AGBL1: variants seen among roughly 807,000 people sequenced by gnomAD.
The protein encoded by AGBL1 is cytosolic carboxypeptidase 4.
Under a neutral mutation model 118.9 loss-of-function variants are expected in AGBL1, and 130 were observed. The observed-to-expected ratio is 1.09, with a 90% CI of 0.95 to 1.26. AGBL1 has a LOEUF of 1.26. Among genes scored for constraint, AGBL1 ranks in the 50% most tolerant of loss-of-function variants. The pLI is 0.00. For synonymous variants in AGBL1, 555 were observed against 478.9 expected, an observed-to-expected ratio of 1.16 and a Z score of -2.08; for missense variants, 1,584 against 1,298.1, an observed-to-expected ratio of 1.22 and a Z score of -3.38.
chr15:86,770,254 T>C (rs1342672177), intron 22 of AGBL1, among the ~76,000 whole-genome samples: 1 of 151,966 alleles, frequency 6.6e-6, no homozygotes, highest in Non-Finnish European at 1.5e-5. Context: ...AAGCTCACTA[T>C]CTAGTGGAAC....
chr15:86,471,794 G>A (rs1487845532), intron 18 of AGBL1, among the ~76,000 whole-genome samples: 1 of 152,168 alleles, frequency 6.6e-6, no homozygotes, highest in Non-Finnish European at 1.5e-5. Context: ...TAAGGGTGAT[G>A]TAGTAGGTCG....
chr15:86,540,309 T>G (rs2083476939), intron 19 of AGBL1, among the ~76,000 whole-genome samples: 2 of 152,180 alleles, frequency 1.3e-5, no homozygotes, highest in Admixed American at 1.3e-4. Context: ...ATAGGGCTAT[T>G]GAGGTGGGGA....
Position 86,143,847 on chromosome 15 carries a change from T to A in AGBL1, c.262+2T>A. 6.2e-7 allele frequency: 1 copy of A among 1,613,486 alleles called. No homozygotes were observed. The highest frequency in any genetic ancestry group is 8.5e-7 in the Non-Finnish European group (1 of 1,179,596). ...TGCTGGCCAAAGTTGGCCTAAGAGG[T>A]ACTCGTACTCCAAGACCTAAAGCTG... On this transcript the variant is annotated splice_donor_variant, in intron 3 of 22. Coordinates refer to ENST00000614907, the MANE Select transcript of AGBL1 (RefSeq NM_001386094.1). LOFTEE classifies it high-confidence loss of function.
chr15:86,245,512 C>T (rs1016702412), intron 6 of AGBL1, among the ~76,000 whole-genome samples: 1 of 152,220 alleles, frequency 6.6e-6, no homozygotes, highest in Non-Finnish European at 1.5e-5. Context: ...CAGGCATCTA[C>T]TGGGTAGATC....
intron 23 of AGBL1, among the ~76,000 whole-genome samples, chr15:86,976,755 A>G (rs2081180062): frequency 6.6e-6 from 1 of 151,886 alleles, no homozygotes; most frequent in South Asian, 2.1e-4. Context: ...TATCTTTTTT[A>G]TTACAAAAAG....
intron 21 of AGBL1, among the ~76,000 whole-genome samples, chr15:86,572,179 G>A (rs112461741): frequency 1.3e-5 from 2 of 152,148 alleles, no homozygotes; most frequent in Non-Finnish European, 2.9e-5. Context: ...TTCCGGGCCC[G>A]CAGGGGGAAG....
At chr15:86,800,819 A>G (rs1158711321) in intron 22 of AGBL1, among the ~76,000 whole-genome samples, 1 of 152,152 alleles carries the variant, frequency 6.6e-6, no homozygotes, top group African/African-American at 2.4e-5. Flanking sequence ...GAAATAGAGA[A>G]TAAAGAAATG....
intron 5 of AGBL1, among the ~76,000 whole-genome samples, chr15:86,164,128 G>T (rs72750294): frequency 6.6e-6 from 1 of 152,212 alleles, no homozygotes; most frequent in African/African-American, 2.4e-5. Context: ...AGAGATTGGA[G>T]CAGGGAAAGA....
intron 5 of AGBL1, among the ~76,000 whole-genome samples, chr15:86,183,736 A>T (rs992772713): frequency 3.9e-5 from 6 of 152,306 alleles, no homozygotes; most frequent in Non-Finnish European, 8.8e-5. Flanking sequence ...ATCACATTTT[A>T]TGTGGTGTTT....
chr15:86,638,387 C>G (rs1363200037), intron 21 of AGBL1, among the ~76,000 whole-genome samples: 1 of 152,208 alleles, frequency 6.6e-6, no homozygotes, highest in East Asian at 1.9e-4. Context: ...TGCATTTTCA[C>G]TTGCATCTGT....
chr15:86,456,147 A>G (rs900384083), intron 18 of AGBL1, among the ~76,000 whole-genome samples: 1 of 152,194 alleles, frequency 6.6e-6, no homozygotes, highest in Non-Finnish European at 1.5e-5. Flanking sequence ...GTTCCTCTAG[A>G]TTAAAACAAT....
chr15:86,793,184 C>T (rs1567176664), intron 22 of AGBL1, among the ~76,000 whole-genome samples: 3 of 152,130 alleles, frequency 2.0e-5, no homozygotes, highest in Admixed American at 6.5e-5. Flanking sequence ...ATCCATCTGC[C>T]TCCTTCCTCC....
chr15:86,081,109 T>C (rs1895250880), intron 1 of AGBL1, among the ~76,000 whole-genome samples: 1 of 152,162 alleles, frequency 6.6e-6, no homozygotes, highest in Non-Finnish European at 1.5e-5. Flanking sequence ...AATGGTGTGA[T>C]CTCGACTCAC....
chr15:86,279,608 ATTCTC>A lies in AGBL1; in HGVS notation c.2076-20_2076-16del, dbSNP rs371956072. 8,607 of 1,604,460 alleles carry A rather than the reference ATTCTC, an allele frequency of 5.4e-3. 31 individuals carry two copies. The highest frequency in any genetic ancestry group is 6.7e-3 in the Non-Finnish European group (7,875 of 1,171,928). On this transcript the variant is annotated intron_variant, in intron 15 of 22. Coordinates refer to ENST00000614907, the MANE Select transcript of AGBL1 (RefSeq NM_001386094.1). ...TGCACCCCCCTCCCACCTCTCCCTT[ATTCTC>A]TTCTCTTCTCCTCCTCTCTCTTTAG...
rs149240529 is a variant in AGBL1 at position 86,114,410 on chromosome 15, C to T, written c.52-27594C>T. Among the ~76,000 whole-genome samples the T allele has an allele frequency of 5.3e-5, 8 of 152,150 alleles. No homozygotes were observed. In the East Asian group the frequency reaches 9.6e-4, roughly 18 times the overall value. ...TTCTACTCTGGTCTGCTTGTGTGTG[C>T]CTGTCTGCAGAAGACATTCTCTGTT... On this transcript the variant is annotated intron_variant, in intron 1 of 22. Transcript: ENST00000614907.
At chr15:86,735,082 AATT>A (rs144524209) in intron 22 of AGBL1, among the ~76,000 whole-genome samples, 38,403 of 150,812 alleles carry the variant, frequency 0.25, 5,170 homozygotes, top group South Asian at 0.35. Context: ...TTATAATAAT[AATT>A]ATTATTATTA....
chr15:86,616,360 A>T (rs1469147434), intron 21 of AGBL1, among the ~76,000 whole-genome samples: 6 of 144,656 alleles, frequency 4.1e-5, no homozygotes, highest in Admixed American at 2.0e-4. Context: ...AAAAAAAAAA[A>T]AAAAAAAAAA....
Position 86,625,364 on chromosome 15 carries a change from C to CCTTTTTTTTTTTTTTTTTTTT in AGBL1, c.2995-48909_2995-48908insCTTTTTTTTTTTTTTTTTTTT, listed in dbSNP as rs1429206623. Among the ~76,000 whole-genome samples the CCTTTTTTTTTTTTTTTTTTTT allele has an allele frequency of 2.9e-5, 2 of 68,260 alleles. 1 individual carries two copies. Among genetic ancestry groups the CCTTTTTTTTTTTTTTTTTTTT allele is most frequent in the African/African-American group, 1.0e-4 (2 of 20,010 alleles). 44.8% of individuals were successfully genotyped at this position (68,260 alleles called of 152,430 possible). On this transcript the variant is annotated intron_variant, in intron 21 of 22. Coordinates refer to ENST00000614907, the MANE Select transcript of AGBL1 (RefSeq NM_001386094.1). ...CAGCCTCCAAGGTAGAAGAAATTAG[C>CCTTTTTTTTTTTTTTTTTTTT]GTTTTTTTTTTTTTGTTTTTGTTTT...
At chr15:86,337,752 T>C (rs1595985798) in intron 17 of AGBL1, among the ~76,000 whole-genome samples, 1 of 152,278 alleles carries the variant, frequency 6.6e-6, no homozygotes. Context: ...AGCTGATGCA[T>C]GCTGGGTTTA....
Sources: allele counts gnomAD v4.1 joint callset (sites outside exome capture counted in the v4.1 genomes callset), GRCh38; gene constraint gnomAD v4.1.1; transcripts MANE v1.5; gene names NCBI Gene and HGNC (gene_info 2026-07-23, HGNC 2026-07-21).